Variants in PARD3 observed in about 807,000 individuals in gnomAD.
PARD3 encodes the protein par-3 family cell polarity regulator, also known as partitioning defective 3 homolog.
Under a neutral mutation model 155.4 loss-of-function variants are expected in PARD3, and 75 were observed. The observed-to-expected ratio is 0.48, with a 90% CI of 0.40 to 0.58. The LOEUF is 0.58. Among genes scored for constraint, PARD3 ranks in the 20% least tolerant of loss-of-function variants. The pLI, the probability that PARD3 is intolerant of heterozygous loss-of-function variation, is 0.00. For synonymous variants in PARD3, 576 were observed against 610.5 expected, an observed-to-expected ratio of 0.94 and a Z score of 0.83; for missense variants, 1,642 against 1,721.7, an observed-to-expected ratio of 0.95 and a Z score of 0.82.
At chr10:34,539,676 C>T (rs148242189) in intron 2 of PARD3, among the ~76,000 whole-genome samples, 255 of 152,252 alleles carry the variant, frequency 1.7e-3, no homozygotes, top group Non-Finnish European at 2.4e-3. Context: ...GAAAGTAAAA[C>T]TTCCTATCAT....
chr10:34,784,949 T>C (rs1840757804), intron 1 of PARD3, among the ~76,000 whole-genome samples: 1 of 152,230 alleles, frequency 6.6e-6, no homozygotes, highest in African/African-American at 2.4e-5. Flanking sequence ...TTTGAAAAGT[T>C]AGTGCCAGAA....
At chr10:34,400,225 C>T (rs970779765) in intron 6 of PARD3, among the ~76,000 whole-genome samples, 1 of 152,306 alleles carries the variant, frequency 6.6e-6, no homozygotes, top group Admixed American at 6.5e-5. Context: ...AATCTTTTCG[C>T]CCCAGTATTC....
intron 1 of PARD3, among the ~76,000 whole-genome samples, chr10:34,811,257 TTGCCCTGGCATTCTGTCC>T (rs899971486): frequency 5.3e-5 from 8 of 152,198 alleles, no homozygotes; most frequent in Admixed American, 4.6e-4. Flanking sequence ...TCTCAGGGTC[TTGCCCTGGCATTCTGTCC>T]TCCTCAGTTT....
intron 2 of PARD3, among the ~76,000 whole-genome samples, chr10:34,649,398 G>A (rs1398549847): frequency 6.6e-6 from 1 of 152,216 alleles, no homozygotes; most frequent in Non-Finnish European, 1.5e-5. Flanking sequence ...AGGCTACATG[G>A]CATAGCCTCT....
intron 2 of PARD3, among the ~76,000 whole-genome samples, chr10:34,582,461 T>A (rs1328388321): frequency 6.6e-6 from 1 of 152,230 alleles, no homozygotes; most frequent in Non-Finnish European, 1.5e-5. Flanking sequence ...GGAACAAATA[T>A]GCTCACCAAT....
intron 5 of PARD3, among the ~76,000 whole-genome samples, chr10:34,409,390 T>A (rs1044975006): frequency 6.6e-6 from 1 of 152,212 alleles, no homozygotes; most frequent in Non-Finnish European, 1.5e-5. Flanking sequence ...TAGTCCAGCA[T>A]CCAAAAGTAC....
chr10:34,618,127 T>G (rs772382613), intron 2 of PARD3, among the ~76,000 whole-genome samples: 5 of 152,180 alleles, frequency 3.3e-5, no homozygotes, highest in Non-Finnish European at 7.4e-5. Flanking sequence ...CCTCTACCAG[T>G]TCCTCTGAAA....
At chr10:34,241,600 G>C (rs1298801803) in intron 22 of PARD3, among the ~76,000 whole-genome samples, 2 of 152,220 alleles carry the variant, frequency 1.3e-5, no homozygotes, top group Non-Finnish European at 2.9e-5. Context: ...ATACAGAGCA[G>C]GGCAACACGT....
chr10:34,763,982 T>A (rs1837778348), intron 1 of PARD3, among the ~76,000 whole-genome samples: 1 of 152,204 alleles, frequency 6.6e-6, no homozygotes, highest in East Asian at 1.9e-4. Context: ...AGTTTACCAA[T>A]AAATAGGCAC....
chr10:34,637,949 C>G (rs960890126), intron 2 of PARD3, among the ~76,000 whole-genome samples: 2 of 151,886 alleles, frequency 1.3e-5, no homozygotes, highest in Non-Finnish European at 2.9e-5. Context: ...AAAGCTGAGG[C>G]AAAAACAACT....
intron 22 of PARD3, among the ~76,000 whole-genome samples, chr10:34,234,936 T>G (rs2133599207): frequency 6.6e-6 from 1 of 152,314 alleles, no homozygotes; most frequent in South Asian, 2.1e-4. Flanking sequence ...ATGCACTTTA[T>G]GGAGAAAATA....
At chr10:34,670,904 CAAG>C (rs2093599068) in intron 2 of PARD3, among the ~76,000 whole-genome samples, 1 of 152,180 alleles carries the variant, frequency 6.6e-6, no homozygotes, top group Non-Finnish European at 1.5e-5. Context: ...CCAGAAAAGA[CAAG>C]AATACATTTC....
chr10:34,145,441 T>C (rs933205690), intron 22 of PARD3, among the ~76,000 whole-genome samples: 1 of 151,444 alleles, frequency 6.6e-6, no homozygotes, highest in African/African-American at 2.4e-5. Context: ...TCTTTAAATA[T>C]TGGACCTCCC....
At chr10:34,613,108 A>C (rs1169385607) in intron 2 of PARD3, among the ~76,000 whole-genome samples, 1 of 152,230 alleles carries the variant, frequency 6.6e-6, no homozygotes, top group Admixed American at 6.5e-5. Context: ...CCTGAATTTA[A>C]AGGCATGCTC....
chr10:34,184,228 G>A (rs1409235718), intron 22 of PARD3, among the ~76,000 whole-genome samples: 1 of 152,206 alleles, frequency 6.6e-6, no homozygotes, highest in East Asian at 1.9e-4. Context: ...AACAGGAGAG[G>A]AACTGAATTG....
chr10:34,643,165 A>C (rs901426882), intron 2 of PARD3, among the ~76,000 whole-genome samples: 1 of 152,148 alleles, frequency 6.6e-6, no homozygotes, highest in Admixed American at 6.5e-5. Context: ...TCCTGCAGTC[A>C]CTCAGCGTCT....
chr10:34,476,466 A>C (rs1403333538), intron 3 of PARD3, among the ~76,000 whole-genome samples: 4 of 152,076 alleles, frequency 2.6e-5, no homozygotes, highest in African/African-American at 7.2e-5. Flanking sequence ...ACAGTACTGC[A>C]CTTATGGCCT....
rs57175956 is a variant in PARD3, at chr10:34,231,266, C to CAAAAA, written c.3419+38386_3419+38390dup. Among the ~76,000 whole-genome samples the CAAAAA allele has an allele frequency of 1.3e-3, 107 of 81,834 alleles. 2 individuals carry two copies. The highest frequency in any genetic ancestry group is 1.1e-3 in the Non-Finnish European group (49 of 44,484). 53.7% of individuals were successfully genotyped at this position (81,834 alleles called of 152,430 possible). ...CTAGTGTTATTAATATAATCTTAGG[C>CAAAAA]AAAAAAAAAAAAAAAAAAAAAAGAA... On this transcript the variant is annotated intron_variant, in intron 22 of 24. Transcript: ENST00000374788.
Position 34,174,520 on chromosome 10 carries a change from G to A in PARD3, c.3420-42937C>T, listed in dbSNP as rs1165518569. 6.6e-5 allele frequency among the ~76,000 whole-genome samples: 10 copies of A among 152,302 alleles called. No individual in the cohort carries two copies. In the East Asian group the frequency reaches 1.7e-3, roughly 26 times the overall value. ...AGGGGAAGAGCATTCAAGGTCGGGG[G>A]CGTGGAGTCCTGAAACCCTGGTGCT... On this transcript the variant is annotated intron_variant, in intron 22 of 24. Transcript: ENST00000374788.
Sources: allele counts gnomAD v4.1 joint callset (sites outside exome capture counted in the v4.1 genomes callset), GRCh38; gene constraint gnomAD v4.1.1; transcripts MANE v1.5; gene names NCBI Gene and HGNC (gene_info 2026-07-23, HGNC 2026-07-21).